LINGO2: variants seen among roughly 807,000 people sequenced by gnomAD.
The protein encoded by LINGO2 is leucine rich repeat and Ig domain containing 2.
Under a neutral mutation model 30.6 loss-of-function variants are expected in LINGO2, and 14 were observed. The observed-to-expected ratio is 0.46, with a 90% CI of 0.30 to 0.72. The LOEUF (loss-of-function observed/expected upper bound fraction) is 0.72, where lower values mean the gene tolerates loss of function less well. Among genes scored for constraint, LINGO2 ranks in the 30% least tolerant of loss-of-function variants. The pLI is 0.07. For synonymous variants in LINGO2, 317 were observed against 288.5 expected, an observed-to-expected ratio of 1.10 and a Z score of -1.00; for missense variants, 729 against 751.7, an observed-to-expected ratio of 0.97 and a Z score of 0.35.
At chr9:29,185,020 T>C in the LINGO2 span, among the ~76,000 whole-genome samples, 3 of 152,156 alleles carry the variant, frequency 2.0e-5, no homozygotes, top group Non-Finnish European at 4.4e-5. Context: ...TAAGTCTAAA[T>C]AGACTCTCCA....
chr9:28,337,137 GCA>G (rs1283078894), intron 3 of LINGO2, among the ~76,000 whole-genome samples: 1 of 149,708 alleles, frequency 6.7e-6, no homozygotes, highest in Non-Finnish European at 1.5e-5. Flanking sequence ...ATTCCTGAAA[GCA>G]CAGTGTTATA....
the LINGO2 span, among the ~76,000 whole-genome samples, chr9:28,953,995 CT>C: frequency 6.6e-6 from 1 of 152,068 alleles, no homozygotes; most frequent in Non-Finnish European, 1.5e-5. Flanking sequence ...AAAAATTACT[CT>C]TGTTAAAATT....
the LINGO2 span, among the ~76,000 whole-genome samples, chr9:29,105,673 G>A: frequency 6.6e-6 from 1 of 152,034 alleles, no homozygotes; most frequent in African/African-American, 2.4e-5. Context: ...TCTCTTTTGT[G>A]GTAGGCCTGA....
the LINGO2 span, among the ~76,000 whole-genome samples, chr9:29,013,227 T>C: frequency 6.6e-6 from 1 of 152,196 alleles, no homozygotes; most frequent in Non-Finnish European, 1.5e-5. Flanking sequence ...GACAAACTAA[T>C]TCACTTTTTC....
At chr9:28,657,039 G>C (rs900371304) in intron 1 of LINGO2, among the ~76,000 whole-genome samples, 1 of 152,060 alleles carries the variant, frequency 6.6e-6, no homozygotes, top group African/African-American at 2.4e-5. Context: ...GCCTTTATGT[G>C]ACAACTGTTT....
intron 5 of LINGO2, among the ~76,000 whole-genome samples, chr9:27,969,337 C>G (rs990989084): frequency 3.9e-5 from 6 of 151,938 alleles, no homozygotes; most frequent in African/African-American, 1.4e-4. Flanking sequence ...AGTTTTCCAA[C>G]AAGAAAACTG....
chr9:28,272,149 T>G (rs1238347783), intron 4 of LINGO2, among the ~76,000 whole-genome samples: 2 of 152,148 alleles, frequency 1.3e-5, no homozygotes, highest in Non-Finnish European at 2.9e-5. Context: ...TGGGCTATTT[T>G]AGTAACCTTC....
chr9:28,205,267 T>C (rs10757717), intron 4 of LINGO2, among the ~76,000 whole-genome samples: 150,170 of 152,266 alleles, frequency 0.99, 74,095 homozygotes, highest in Middle Eastern at 1. Flanking sequence ...GTTCCTCACC[T>C]GAATGTTTTC....
chr9:29,122,580 A>C, the LINGO2 span, among the ~76,000 whole-genome samples: 1 of 152,172 alleles, frequency 6.6e-6, no homozygotes, highest in Non-Finnish European at 1.5e-5. Context: ...CAATCATGTA[A>C]GTTAAAAACA....
chr9:28,561,268 T>C lies in LINGO2; in HGVS notation c.-364-85243A>G, dbSNP rs575258969. ...ATGAGTACGAACTCTGAAGACATCATTGGATAGAGTTACCGTTAAAAAAAA... is the reference window on the plus strand; with the variant it reads ...ATGAGTACGAACTCTGAAGACATCACTGGATAGAGTTACCGTTAAAAAAAA... On this transcript the variant is annotated intron_variant, in intron 1 of 5. Coordinates refer to ENST00000379992, the Ensembl canonical transcript of LINGO2. Among the ~76,000 whole-genome samples, 217 of 151,790 alleles carry C rather than the reference T, an allele frequency of 1.4e-3. 1 individual carries two copies. The highest frequency in any genetic ancestry group is 2.2e-3 in the Admixed American group (34 of 15,234).
chr9:28,799,731 T>C, the LINGO2 span, among the ~76,000 whole-genome samples: 12 of 152,194 alleles, frequency 7.9e-5, no homozygotes, highest in South Asian at 2.5e-3. Context: ...TTATGAGAAG[T>C]ATAAGTGAGG....
At chr9:28,797,345 T>TAGAGAGAGAG in the LINGO2 span, among the ~76,000 whole-genome samples, 2 of 70,892 alleles carry the variant, frequency 2.8e-5, no homozygotes, top group South Asian at 6.2e-4. Context: ...TATATATATA[T>TAGAGAGAGAG]ATATATATAT....
the LINGO2 span, among the ~76,000 whole-genome samples, chr9:28,809,544 G>A: frequency 9.2e-5 from 14 of 152,058 alleles, no homozygotes; most frequent in Non-Finnish European, 1.5e-5. Flanking sequence ...AGGAGTTCGG[G>A]ACCAGCCTGG....
the LINGO2 span, among the ~76,000 whole-genome samples, chr9:28,676,204 G>A: frequency 6.6e-6 from 1 of 151,270 alleles, no homozygotes; most frequent in Non-Finnish European, 1.5e-5. Context: ...GCATAAAATA[G>A]TTATGCTAAT....
At chr9:28,528,698 A>C (rs1821118600) in intron 1 of LINGO2, among the ~76,000 whole-genome samples, 1 of 152,110 alleles carries the variant, frequency 6.6e-6, no homozygotes, top group African/African-American at 2.4e-5. Flanking sequence ...ATTTGTCCTT[A>C]CTATCTACTA....
At chr9:28,742,678 T>C in the LINGO2 span, among the ~76,000 whole-genome samples, 12 of 152,070 alleles carry the variant, frequency 7.9e-5, no homozygotes, top group African/African-American at 2.2e-4. Flanking sequence ...TTAAAGAACC[T>C]GAGAGGAGAA....
At chr9:28,502,632 CT>C (rs1819936279) in intron 1 of LINGO2, among the ~76,000 whole-genome samples, 1 of 151,964 alleles carries the variant, frequency 6.6e-6, no homozygotes, top group Non-Finnish European at 1.5e-5. Flanking sequence ...TCTCACAGCT[CT>C]TTGAATATTA....
At chr9:28,667,999 CTT>C (rs1828867520) in intron 1 of LINGO2, among the ~76,000 whole-genome samples, 1 of 152,094 alleles carries the variant, frequency 6.6e-6, no homozygotes, top group African/African-American at 2.4e-5. Context: ...ACCTATGACT[CTT>C]TGGACAACAT....
At position 28,129,857 on chromosome 9, in the gene LINGO2, T is replaced by C. The variant is rs1563991650; in HGVS notation, c.-86-117452A>G. 6.6e-6 allele frequency among the ~76,000 whole-genome samples: 1 copy of C among 152,148 alleles called. No homozygotes were observed. Among genetic ancestry groups the C allele is most frequent in the Non-Finnish European group, 1.5e-5 (1 of 68,022 alleles). On this transcript the variant is annotated intron_variant, in intron 4 of 5. Coordinates refer to ENST00000379992, the Ensembl canonical transcript of LINGO2. This position sits in a 1 kb window ranked among gnomAD's most constrained non-coding sequence, Gnocchi z 4.0. ...CATTCATAGCAGAACACTTGGAAAATAAAGAAACATGCATAGAAAAAATAT... is the reference window on the plus strand; with the variant it reads ...CATTCATAGCAGAACACTTGGAAAACAAAGAAACATGCATAGAAAAAATAT...
Sources: allele counts gnomAD v4.1 joint callset (sites outside exome capture counted in the v4.1 genomes callset), GRCh38; gene constraint gnomAD v4.1.1; non-coding constraint Gnocchi (gnomAD v3.1); transcripts MANE v1.5; gene names NCBI Gene and HGNC (gene_info 2026-07-23, HGNC 2026-07-21).